COL4A4: variants seen among roughly 807,000 people sequenced by gnomAD.
The protein encoded by COL4A4 is collagen type IV alpha 4 chain.
COL4A4 carries 105 observed loss-of-function variants against 192.9 expected under a neutral mutation model. The observed-to-expected ratio is 0.54, with a 90% confidence interval of 0.46 to 0.64. The LOEUF (loss-of-function observed/expected upper bound fraction) is 0.64, where lower values mean the gene tolerates loss of function less well. Among genes scored for constraint, COL4A4 ranks in the 30% least tolerant of loss-of-function variants. The probability of loss-of-function intolerance (pLI) is 0.00; values close to 1 mark genes in which losing one functional copy is unlikely to be tolerated. For missense variants in COL4A4, 1,967 were observed against 2,169.3 expected (o/e 0.91, Z 1.85); for synonymous variants, 762 against 769.9 (o/e 0.99, Z 0.17).
At chr2:227,142,131 C>T (rs1040820802) in intron 3 of COL4A4, among the ~76,000 whole-genome samples, 1 of 144,416 alleles carries the variant, frequency 6.9e-6, no homozygotes, top group African/African-American at 2.6e-5. Context: ...GGAATAGTCA[C>T]ATATCAAGGT....
Position 227,051,246 on chromosome 2 carries a change from G to A in COL4A4, c.2969-88C>T, listed in dbSNP as rs1275577240. On this transcript the variant is annotated intron_variant, in intron 32 of 47. Transcript: ENST00000396625. ...GAGGGACCTGGTCCTACTTTTAGGA[G>A]ATAAAGCCAAAGGTATTGAGGATTC... The A allele has an allele frequency of 4.4e-6, 6 of 1,350,988 alleles. 1 individual carries two copies. Among genetic ancestry groups the A allele is most frequent in the African/African-American group, 1.4e-5 (1 of 69,616 alleles). The allele number at this position is 1,350,988 out of a possible 1,614,324, so 83.7% of individuals were successfully genotyped here.
chr2:227,027,730 T>G, intron 42 of COL4A4, 172 bp downstream of exon 42: 1 of 465,048 alleles, frequency 2.2e-6, no homozygotes, highest in Non-Finnish European at 3.8e-6. Flanking sequence ...AAATTATTAC[T>G]TTACCAAACA....
At chr2:226,984,737 ACTCAATTTATAAGC>A in the COL4A4 span, among the ~76,000 whole-genome samples, 7 of 152,272 alleles carry the variant, frequency 4.6e-5, no homozygotes, top group Non-Finnish European at 1.0e-4. Flanking sequence ...CTCATGGAAT[ACTCAATTTATAAGC>A]CCTGGTCTTG....
chr2:227,163,825 C>T (rs774405529), intron 1 of COL4A4, among the ~76,000 whole-genome samples, 182 bp downstream of exon 1: 37 of 152,188 alleles, frequency 2.4e-4, no homozygotes, highest in Non-Finnish European at 4.6e-4. Flanking sequence ...ACACACAGCA[C>T]CCAGTTAAAG....
At chr2:226,985,738 C>G in the COL4A4 span, among the ~76,000 whole-genome samples, 2 of 152,226 alleles carry the variant, frequency 1.3e-5, no homozygotes, top group Non-Finnish European at 2.9e-5. Context: ...CCCACACCAA[C>G]GTTAGCAGAC....
intron 4 of COL4A4, among the ~76,000 whole-genome samples, chr2:227,133,629 C>T (rs549269752): frequency 7.9e-5 from 12 of 152,222 alleles, no homozygotes; most frequent in Middle Eastern, 3.4e-3. Context: ...TGGTGGCTCA[C>T]GCCTGTAATC....
intron 4 of COL4A4, among the ~76,000 whole-genome samples, chr2:227,126,336 T>C (rs1161830453): frequency 2.0e-5 from 3 of 152,218 alleles, no homozygotes; most frequent in South Asian, 2.1e-4. Flanking sequence ...TGCTGTCTTA[T>C]GTCTCTGAAT....
At chr2:227,114,598 T>G (rs754348273) in intron 8 of COL4A4, 30 bp downstream of exon 8, 10 of 1,594,920 alleles carry the variant, frequency 6.3e-6, no homozygotes, top group South Asian at 2.2e-5. Context: ...AAGAAAAAAT[T>G]TTTTAACCCA....
At chr2:227,152,553 C>T (rs913876624) in intron 1 of COL4A4, among the ~76,000 whole-genome samples, 20 of 152,204 alleles carry the variant, frequency 1.3e-4, no homozygotes, top group African/African-American at 4.8e-4. Context: ...TGACTGTTCT[C>T]CTGCCTAAGA....
At chr2:227,159,362 G>C (rs1576956007) in intron 1 of COL4A4, among the ~76,000 whole-genome samples, 1 of 152,212 alleles carries the variant, frequency 6.6e-6, no homozygotes, top group Non-Finnish European at 1.5e-5. Flanking sequence ...GAAACTTCTG[G>C]GAGTGATAGA....
At chr2:227,058,225 T>C (rs1419311090) in intron 28 of COL4A4, among the ~76,000 whole-genome samples, 2 of 152,198 alleles carry the variant, frequency 1.3e-5, no homozygotes, top group Non-Finnish European at 2.9e-5. Context: ...ATGATTTAAA[T>C]TGCTAATGGC....
intron 25 of COL4A4, among the ~76,000 whole-genome samples, chr2:227,076,642 A>T (rs904171759): frequency 2.0e-5 from 3 of 152,232 alleles, no homozygotes; most frequent in Non-Finnish European, 4.4e-5. Flanking sequence ...GACAAATGGG[A>T]TCTAATCAAA....
intron 44 of COL4A4, among the ~76,000 whole-genome samples, chr2:227,018,476 G>A (rs747943888): frequency 1.3e-5 from 2 of 152,166 alleles, no homozygotes. Context: ...AGACAAGGCC[G>A]AGGAATACAT....
At chr2:227,015,920 A>C (rs1412798756) in intron 44 of COL4A4, among the ~76,000 whole-genome samples, 1 of 152,104 alleles carries the variant, frequency 6.6e-6, no homozygotes, top group Non-Finnish European at 1.5e-5. Flanking sequence ...GTTTAGTTTT[A>C]AGTTACCTTT....
At chr2:227,041,783 GAA>G (rs1971054494) in intron 37 of COL4A4, among the ~76,000 whole-genome samples, 1 of 55,836 alleles carries the variant, frequency 1.8e-5, no homozygotes, top group African/African-American at 7.0e-5. Context: ...AGGAAGGAAG[GAA>G]GGGAAAGAAA....
At chr2:226,999,494 T>G (rs1422068181), downstream of COL4A4, among the ~76,000 whole-genome samples, 1 of 152,206 alleles carries the variant, frequency 6.6e-6, no homozygotes, top group African/African-American at 2.4e-5. Context: ...TCTTGCCATG[T>G]GCTTTTTACA....
At chr2:227,125,186 G>C (rs2062012723) in intron 4 of COL4A4, among the ~76,000 whole-genome samples, 1 of 152,054 alleles carries the variant, frequency 6.6e-6, no homozygotes, top group Admixed American at 6.6e-5. Context: ...TTGAGAAAAT[G>C]CCATATAAAA....
chr2:227,061,626 T>C (rs1275793863), intron 26 of COL4A4, among the ~76,000 whole-genome samples: 1 of 152,208 alleles, frequency 6.6e-6, no homozygotes. Context: ...TTACACATTA[T>C]TGTCATAAAA....
chr2:227,141,457 T>C (rs1329265145), intron 3 of COL4A4, among the ~76,000 whole-genome samples: 1 of 152,232 alleles, frequency 6.6e-6, no homozygotes, highest in Non-Finnish European at 1.5e-5. Flanking sequence ...TTCATGTACG[T>C]ATACATATAT....
Sources: gnomAD v4.1 joint callset for allele counts (sites outside exome capture counted in the v4.1 genomes callset) on GRCh38, gnomAD v4.1.1 for gene constraint, MANE v1.5 for transcripts, NCBI Gene and HGNC (gene_info 2026-07-23, HGNC 2026-07-21) for gene names.